The following NINL variants were observed in gnomAD, a reference collection of about 807,000 sequenced individuals.
NINL encodes the protein ninein-like protein.
In NINL, 153 loss-of-function variants were observed where a neutral mutation model predicts 160.3. The observed-to-expected ratio is 0.95, with a 90% confidence interval of 0.84 to 1.09. NINL has a LOEUF of 1.09. NINL is among the 50% of genes least tolerant of loss of function. The pLI, the probability that NINL is intolerant of heterozygous loss-of-function variation, is 0.00. For synonymous variants in NINL, 800 were observed against 734.8 expected, an observed-to-expected ratio of 1.09 and a Z score of -1.43; for missense variants, 1,829 against 1,764.0, an observed-to-expected ratio of 1.04 and a Z score of -0.66.
intron 1 of NINL, among the ~76,000 whole-genome samples, chr20:25,566,640 T>G (rs1172395572): frequency 6.6e-6 from 1 of 152,006 alleles, no homozygotes; most frequent in African/African-American, 2.4e-5. Context: ...TCAAAAACAT[T>G]GTAACAGACC....
chr20:25,485,635 T>G (rs1246184529), intron 13 of NINL, among the ~76,000 whole-genome samples: 1 of 152,256 alleles, frequency 6.6e-6, no homozygotes, highest in Non-Finnish European at 1.5e-5. Flanking sequence ...TCCAAGTCTT[T>G]TATCAGATAA....
rs2063406254 is a variant in NINL, at chr20:25,482,213, A to G, written c.1678-113T>C. ...TGCAGGTGAGGTGCACTGTGAGGTGAGGGCCTGTTGCTTCCCAGCTTCCAG... is the reference window on the plus strand; with the variant it reads ...TGCAGGTGAGGTGCACTGTGAGGTGGGGGCCTGTTGCTTCCCAGCTTCCAG... On this transcript the variant is annotated intron_variant, in intron 13 of 23. Transcript: ENST00000278886. The G allele has an allele frequency of 5.7e-6, 7 of 1,222,346 alleles. No homozygotes were observed. In the South Asian group the frequency reaches 1.2e-4, roughly 20 times the overall value. 75.7% of individuals were successfully genotyped at this position (1,222,346 alleles called of 1,614,324 possible).
chr20:25,570,541 AT>A (rs1160560912), intron 1 of NINL, among the ~76,000 whole-genome samples: 1 of 152,068 alleles, frequency 6.6e-6, no homozygotes, highest in Non-Finnish European at 1.5e-5. Context: ...TATGCTTCCT[AT>A]ACAGTTTGCA....
intron 22 of NINL, among the ~76,000 whole-genome samples, chr20:25,456,803 G>A (rs1239607511): frequency 1.3e-5 from 2 of 151,400 alleles, no homozygotes; most frequent in Non-Finnish European, 2.9e-5. Context: ...ATGGTGGCAG[G>A]CACCTGTAGT....
At chr20:25,489,140 A>G (rs1003931265) in intron 13 of NINL, 104 bp downstream of exon 13, 10 of 1,107,996 alleles carry the variant, frequency 9.0e-6, no homozygotes, top group African/African-American at 4.6e-5. Context: ...CCGCAAGCAG[A>G]GGCTCTCCCT....
At chr20:25,458,663 A>T in intron 21 of NINL, 134 bp from the exon 22 acceptor site, 1 of 933,456 alleles carries the variant, frequency 1.1e-6, no homozygotes, top group East Asian at 2.7e-5. Flanking sequence ...GCAGCACCTG[A>T]ATATTTAGAA....
In NINL at chr20:25,496,712, T is replaced by C. The variant is rs2063762544; in HGVS notation, c.1261A>G (p.Met421Val). 1.3e-5 allele frequency: 21 copies of C among 1,614,008 alleles called. No individual in the cohort carries two copies. Among genetic ancestry groups the C allele is most frequent in the Non-Finnish European group, 1.8e-5 (21 of 1,180,004 alleles). ...EKRNLEFVKE[M>V]DDCHSTLEQL... ...TCCAGGGTGGAGTGGCAGTCGTCCA[T>C]CTCTTTCACAAACTCCAGGTTCCTC... Residue 421 changes from methionine to valine, a missense_variant, in exon 10 of 24, where the codon ATG becomes GTG. Met to Val is a conservative substitution (Grantham distance 21). Coordinates refer to ENST00000278886, the MANE Select transcript of NINL (RefSeq NM_025176.6).
At chr20:25,516,391 G>T (rs1456614980) in intron 3 of NINL, among the ~76,000 whole-genome samples, 1 of 152,154 alleles carries the variant, frequency 6.6e-6, no homozygotes, top group Non-Finnish European at 1.5e-5. Flanking sequence ...GAAAAAGAAA[G>T]AAAAAATAGA....
intron 3 of NINL, among the ~76,000 whole-genome samples, chr20:25,514,620 C>T (rs1289621688): frequency 1.3e-5 from 2 of 152,194 alleles, no homozygotes; most frequent in African/African-American, 2.4e-5. Context: ...GAAGGCATTT[C>T]AGAGAGCTTC....
intron 1 of NINL, among the ~76,000 whole-genome samples, chr20:25,541,668 A>G (rs944932172): frequency 1.3e-5 from 2 of 152,368 alleles, no homozygotes; most frequent in Non-Finnish European, 2.9e-5. Flanking sequence ...AGCTCTTTCT[A>G]TATATATCAT....
At chr20:25,540,326 G>A (rs544888613) in intron 1 of NINL, among the ~76,000 whole-genome samples, 3 of 152,276 alleles carry the variant, frequency 2.0e-5, no homozygotes, top group African/African-American at 7.2e-5. Flanking sequence ...TCATCCAGAG[G>A]GGAAAAGCCT....
At chr20:25,585,268 G>A (rs1568980199) in intron 1 of NINL, among the ~76,000 whole-genome samples, 187 bp downstream of exon 1, 2 of 152,204 alleles carry the variant, frequency 1.3e-5, no homozygotes, top group South Asian at 2.1e-4. Flanking sequence ...GCCCTCGAGG[G>A]CGACCGGAAG....
At chr20:25,457,975 G>A (rs1487829811) in intron 22 of NINL, among the ~76,000 whole-genome samples, 2 of 152,192 alleles carry the variant, frequency 1.3e-5, no homozygotes, top group Non-Finnish European at 2.9e-5. Context: ...CACAGTCTGT[G>A]CTCCGAGCTA....
At chr20:25,498,423 TC>T in intron 8 of NINL, 77 bp from the exon 9 acceptor site, 1 of 1,554,500 alleles carries the variant, frequency 6.4e-7, no homozygotes, top group Non-Finnish European at 8.7e-7. Context: ...CCCTCCCTGA[TC>T]CAGGGCCTAG....
intron 5 of NINL, among the ~76,000 whole-genome samples, chr20:25,509,077 T>C (rs1382901079): frequency 1.3e-5 from 2 of 152,308 alleles, no homozygotes; most frequent in Middle Eastern, 3.4e-3. Context: ...CTCTGATCAA[T>C]AGAATGTGGT....
intron 17 of NINL, among the ~76,000 whole-genome samples, chr20:25,473,933 C>T (rs2063170829): frequency 6.6e-6 from 1 of 152,014 alleles, no homozygotes; most frequent in African/African-American, 2.4e-5. Flanking sequence ...AAATAAAAAC[C>T]ACTAAAGATA....
At chr20:25,526,635 A>C in intron 1 of NINL, 37 bp from the exon 2 acceptor site, 1 of 1,580,784 alleles carries the variant, frequency 6.3e-7, no homozygotes, top group Non-Finnish European at 8.7e-7. Flanking sequence ...ACATCAGGAC[A>C]CTTTCCCACC....
intron 5 of NINL, among the ~76,000 whole-genome samples, chr20:25,509,951 C>T (rs1427534766): frequency 1.3e-5 from 2 of 152,230 alleles, no homozygotes; most frequent in Non-Finnish European, 2.9e-5. Context: ...AGCTTTCTGT[C>T]CCCATGACAT....
At chr20:25,549,661 T>C (rs2064783511) in intron 1 of NINL, among the ~76,000 whole-genome samples, 1 of 152,222 alleles carries the variant, frequency 6.6e-6, no homozygotes, top group Non-Finnish European at 1.5e-5. Flanking sequence ...ATCAATGTCG[T>C]GGCCTGAGGT....
Sources: allele counts gnomAD v4.1 joint callset (sites outside exome capture counted in the v4.1 genomes callset), GRCh38; gene constraint gnomAD v4.1.1; transcripts MANE v1.5; gene names NCBI Gene and HGNC (gene_info 2026-07-23, HGNC 2026-07-21).